KCNIP4: variants seen among roughly 807,000 people sequenced by gnomAD.
The protein encoded by KCNIP4 is Kv channel-interacting protein 4.
KCNIP4 carries 12 observed loss-of-function variants against 34.0 expected under a neutral mutation model. The ratio of observed to expected loss-of-function variants is 0.35; its 90% CI spans 0.23 to 0.57. The LOEUF (loss-of-function observed/expected upper bound fraction) is 0.57, where lower values mean the gene tolerates loss of function less well. Among genes scored for constraint, KCNIP4 ranks in the 20% least tolerant of loss-of-function variants. The probability of loss-of-function intolerance (pLI) is 0.83; values close to 1 mark genes in which losing one functional copy is unlikely to be tolerated. For missense variants in KCNIP4, 238 were observed against 311.7 expected (o/e 0.76, Z 1.78); for synonymous variants, 124 against 102.2 (o/e 1.21, Z -1.29).
At position 21,014,073 on chromosome 4, in the gene KCNIP4, A is replaced by G. The variant is rs375960844; in HGVS notation, c.62-131364T>C. ...CTCATCCATGCTGCTTCCTCCAATC[A>G]TCAACCATATTCTGATGACATCTAC... On this transcript the variant is annotated intron_variant, in intron 1 of 8. Coordinates refer to ENST00000382152, the MANE Select transcript of KCNIP4 (RefSeq NM_025221.6). Among the ~76,000 whole-genome samples, 3 of 152,234 alleles carry G rather than the reference A, an allele frequency of 2.0e-5. No homozygotes were observed. The East Asian group carries it at 5.8e-4, about 29-fold the overall frequency.
chr4:21,253,401 A>T (rs1676184219), intron 1 of KCNIP4, among the ~76,000 whole-genome samples: 1 of 152,198 alleles, frequency 6.6e-6, no homozygotes, highest in African/African-American at 2.4e-5. Flanking sequence ...GTTATTGATG[A>T]CATCATGTGT....
intron 1 of KCNIP4, among the ~76,000 whole-genome samples, chr4:21,434,767 G>C (rs971621784): frequency 2.1e-5 from 3 of 140,486 alleles, no homozygotes; most frequent in African/African-American, 8.3e-5. Flanking sequence ...CCTGTCTGTG[G>C]GGGGAAAAAA....
At chr4:21,081,470 A>G (rs1745996366) in intron 1 of KCNIP4, among the ~76,000 whole-genome samples, 1 of 151,754 alleles carries the variant, frequency 6.6e-6, no homozygotes, top group Non-Finnish European at 1.5e-5. Context: ...GTCAAATGTC[A>G]TTAACTTCGG....
intron 1 of KCNIP4, among the ~76,000 whole-genome samples, chr4:21,752,076 G>T (rs1717187582): frequency 6.6e-6 from 1 of 152,004 alleles, no homozygotes; most frequent in African/African-American, 2.4e-5. Flanking sequence ...ACAAAGCTTT[G>T]TTCATACTTT....
intron 1 of KCNIP4, among the ~76,000 whole-genome samples, chr4:20,941,881 C>T (rs187772658): frequency 1.7e-3 from 254 of 152,118 alleles, no homozygotes; most frequent in Non-Finnish European, 2.8e-3. Flanking sequence ...TCTGTAGGAC[C>T]GGAGTTATTT....
chr4:21,550,831 C>T (rs1738524500), intron 1 of KCNIP4, among the ~76,000 whole-genome samples: 1 of 152,028 alleles, frequency 6.6e-6, no homozygotes, highest in Non-Finnish European at 1.5e-5. Context: ...TTCAAAAAAA[C>T]CACAGTTCTC....
intron 3 of KCNIP4, among the ~76,000 whole-genome samples, chr4:20,827,548 A>C (rs1260428280): frequency 6.6e-6 from 1 of 152,166 alleles, no homozygotes; most frequent in Non-Finnish European, 1.5e-5. Context: ...GAGGTACTGG[A>C]TGTTGGGACT....
At chr4:20,916,988 TATATATATATATATATA>T (rs1728891764) in intron 1 of KCNIP4, among the ~76,000 whole-genome samples, 880 of 30,344 alleles carry the variant, frequency 0.029, 125 homozygotes, top group South Asian at 0.13. Flanking sequence ...CTTATGTTTA[TATATATATATATATATA>T]TATATATATA....
intron 1 of KCNIP4, among the ~76,000 whole-genome samples, chr4:21,629,798 A>C (rs1448884475): frequency 6.6e-6 from 1 of 151,556 alleles, no homozygotes; most frequent in African/African-American, 2.4e-5. Context: ...TCTACATGAA[A>C]ATTAGTAATG....
chr4:20,795,567 C>A (rs900324732), intron 3 of KCNIP4, among the ~76,000 whole-genome samples: 1 of 152,114 alleles, frequency 6.6e-6, no homozygotes, highest in Admixed American at 6.6e-5. Context: ...TGTCTAATTT[C>A]TTAAATCTGA....
chr4:21,312,269 T>C (rs756406658), intron 1 of KCNIP4, among the ~76,000 whole-genome samples: 12 of 152,204 alleles, frequency 7.9e-5, no homozygotes, highest in Non-Finnish European at 1.2e-4. Flanking sequence ...ACATATGTAT[T>C]GACTCGTGGT....
At chr4:20,983,904 A>C in intron 1 of KCNIP4, 8 of 1,535,930 alleles carry the variant, frequency 5.2e-6, no homozygotes, top group Non-Finnish European at 7.0e-6. Context: ...AGTCCTTCGG[A>C]CTCCCACTCC....
intron 1 of KCNIP4, among the ~76,000 whole-genome samples, chr4:20,906,371 G>A (rs1727771881): frequency 6.6e-6 from 1 of 152,082 alleles, no homozygotes; most frequent in Non-Finnish European, 1.5e-5. Flanking sequence ...TATTATAACT[G>A]GTTATGCAGA....
At chr4:20,902,773 G>A (rs1428342177) in intron 1 of KCNIP4, among the ~76,000 whole-genome samples, 1 of 152,030 alleles carries the variant, frequency 6.6e-6, no homozygotes, top group Non-Finnish European at 1.5e-5. Context: ...ACCCTCCTTG[G>A]CCTCCCAAAG....
chr4:21,223,758 TCTTA>T (rs750135388), intron 1 of KCNIP4, among the ~76,000 whole-genome samples: 2 of 152,176 alleles, frequency 1.3e-5, no homozygotes, highest in African/African-American at 4.8e-5. Context: ...TCTCAATCTT[TCTTA>T]CTTAGTTGAT....
intron 1 of KCNIP4, among the ~76,000 whole-genome samples, chr4:21,760,391 T>C (rs1362434907): frequency 3.9e-5 from 6 of 152,176 alleles, no homozygotes; most frequent in Non-Finnish European, 7.3e-5. Context: ...TTCATGCTGC[T>C]AATTATTAAC....
intron 1 of KCNIP4, among the ~76,000 whole-genome samples, chr4:21,509,045 A>T (rs1356659029): frequency 2.0e-5 from 3 of 152,096 alleles, no homozygotes; most frequent in Admixed American, 6.5e-5. Flanking sequence ...TTTTCCCCTC[A>T]TAGGTCACTA....
intron 1 of KCNIP4, among the ~76,000 whole-genome samples, chr4:21,872,853 C>G (rs923348822): frequency 6.6e-6 from 1 of 152,158 alleles, no homozygotes; most frequent in Non-Finnish European, 1.5e-5. Context: ...TTAACTTTTT[C>G]TATGAAGCCA....
chr4:21,463,758 T>C (rs1045530635), intron 1 of KCNIP4, among the ~76,000 whole-genome samples: 2 of 152,102 alleles, frequency 1.3e-5, no homozygotes, highest in Non-Finnish European at 2.9e-5. Flanking sequence ...GTCTTCTCTT[T>C]TTTGAAAGAG....
Sources: gnomAD v4.1 joint callset for allele counts (sites outside exome capture counted in the v4.1 genomes callset) on GRCh38, gnomAD v4.1.1 for gene constraint, MANE v1.5 for transcripts, NCBI Gene and HGNC (gene_info 2026-07-23, HGNC 2026-07-21) for gene names.